The following NAV2 variants were observed in gnomAD, a reference collection of about 807,000 sequenced individuals.
NAV2 encodes neuron navigator 2, also known as helicase, APC down-regulated 1.
NAV2 carries 54 observed loss-of-function variants against 223.2 expected under a neutral mutation model. The ratio of observed to expected loss-of-function variants is 0.24; its 90% CI spans 0.19 to 0.30. The LOEUF is 0.30. Among genes scored for constraint, NAV2 ranks in the 10% least tolerant of loss-of-function variants. The probability of loss-of-function intolerance (pLI) is 1.00; values close to 1 mark genes in which losing one functional copy is unlikely to be tolerated. For missense variants in NAV2, 2,806 were observed against 3,147.5 expected, an observed-to-expected ratio of 0.89 and a Z score of 2.60; for synonymous variants, 1,279 against 1,239.3, an observed-to-expected ratio of 1.03 and a Z score of -0.67.
chr11:19,794,191 G>A (rs2057737971), intron 1 of NAV2, among the ~76,000 whole-genome samples: 1 of 152,180 alleles, frequency 6.6e-6, no homozygotes, highest in Admixed American at 6.5e-5. Flanking sequence ...AATGACAAAT[G>A]ACTTGAGCAG....
intron 1 of NAV2, among the ~76,000 whole-genome samples, chr11:19,401,545 T>G (rs746330291): frequency 6.6e-6 from 1 of 152,202 alleles, no homozygotes; most frequent in Non-Finnish European, 1.5e-5. Context: ...CAGGGATATG[T>G]CTGGATCTTC....
intron 11 of NAV2, among the ~76,000 whole-genome samples, chr11:20,009,899 TG>T (rs2053424625): frequency 6.6e-6 from 1 of 152,162 alleles, no homozygotes; most frequent in Non-Finnish European, 1.5e-5. Context: ...AAGACCAGAT[TG>T]GGTGTCCCTC....
At chr11:19,905,420 T>A (rs1055733415) in intron 6 of NAV2, among the ~76,000 whole-genome samples, 14 of 152,302 alleles carry the variant, frequency 9.2e-5, no homozygotes, top group South Asian at 2.1e-4. Flanking sequence ...AATTATTTTT[T>A]AAAAAATCTA....
At chr11:19,436,783 GC>G (rs1306430127) in intron 1 of NAV2, among the ~76,000 whole-genome samples, 1 of 141,256 alleles carries the variant, frequency 7.1e-6, no homozygotes, top group Non-Finnish European at 1.6e-5. Flanking sequence ...AATATTTTAT[GC>G]TTTTCAGTAT....
Position 20,118,744 on chromosome 11 carries a change from A to G in NAV2, c.*486A>G. 5.8e-6 allele frequency: 1 copy of G among 173,008 alleles called. No homozygotes were observed. The highest frequency in any genetic ancestry group is 1.2e-5 in the Non-Finnish European group (1 of 81,968). The allele number at this position is 173,008 out of a possible 1,614,324, so 10.7% of individuals were successfully genotyped here. On this transcript the variant is annotated 3_prime_UTR_variant, in exon 38 of 38. Transcript: ENST00000349880. ...CCAGACTGGGTCTCAGAGCCGTGCC[A>G]CCCACCCTCCCACACAGCCGGCCAC...
At chr11:19,860,396 C>T (rs1472938341) in intron 3 of NAV2, among the ~76,000 whole-genome samples, 10 of 144,858 alleles carry the variant, frequency 6.9e-5, no homozygotes, top group East Asian at 2.1e-4. Flanking sequence ...CCGGACGGGG[C>T]GACAGGGCAG....
chr11:19,617,942 C>T (rs2046846967), intron 1 of NAV2, among the ~76,000 whole-genome samples: 5 of 152,112 alleles, frequency 3.3e-5, no homozygotes, highest in Admixed American at 3.3e-4. Flanking sequence ...TACAGATATC[C>T]CCATGACTCA....
intron 1 of NAV2, among the ~76,000 whole-genome samples, chr11:19,378,865 G>A (rs951970398): frequency 6.6e-6 from 1 of 152,130 alleles, no homozygotes; most frequent in African/African-American, 2.4e-5. Flanking sequence ...CTGAGGGCAG[G>A]GGCTTTGTTG....
At chr11:19,781,172 A>G (rs990656487) in intron 1 of NAV2, among the ~76,000 whole-genome samples, 6 of 152,218 alleles carry the variant, frequency 3.9e-5, no homozygotes, top group Non-Finnish European at 8.8e-5. Context: ...AGAGCTAGTA[A>G]CTTTAGAAGT....
chr11:19,370,363 T>C (rs1848430076), intron 1 of NAV2, among the ~76,000 whole-genome samples: 1 of 152,248 alleles, frequency 6.6e-6, no homozygotes, highest in Non-Finnish European at 1.5e-5. Context: ...TGCATTGTAC[T>C]ACTTGTTCAG....
Position 19,876,404 on chromosome 11 carries a change from A to G in NAV2, c.512-3465A>G, listed in dbSNP as rs139640751. The stretch of plus-strand genomic sequence containing the variant: ...TACAGTAGGACATATGCCCATTTTA[A>G]AGAAGAAAACTGAGGCTCAGAGAGA... On this transcript the variant is annotated intron_variant, in intron 4 of 37. Coordinates refer to ENST00000349880, the MANE Select transcript of NAV2 (RefSeq NM_145117.5). Among the ~76,000 whole-genome samples the G allele has an allele frequency of 1.8e-4, 27 of 152,294 alleles. No homozygotes were observed. In the East Asian group the frequency reaches 1.9e-3, roughly 11 times the overall value.
intron 1 of NAV2, among the ~76,000 whole-genome samples, chr11:19,800,894 TCC>T (rs2058212638): frequency 6.6e-6 from 1 of 152,156 alleles, no homozygotes; most frequent in Non-Finnish European, 1.5e-5. Context: ...AATTTCCCCA[TCC>T]TAGACAAGGC....
At chr11:19,448,298 C>A (rs1174163306) in intron 1 of NAV2, among the ~76,000 whole-genome samples, 1 of 152,188 alleles carries the variant, frequency 6.6e-6, no homozygotes, top group Non-Finnish European at 1.5e-5. Flanking sequence ...AGCACAGCAA[C>A]CCTCCCCGTG....
chr11:19,848,250 AT>A lies in NAV2; in HGVS notation c.438+5331del, dbSNP rs2060914312. On this transcript the variant is annotated intron_variant, in intron 3 of 37. Transcript: ENST00000349880. ...TTCTATTCCATAAGCAGAACCCCTC[AT>A]TTTCCCAAATAAAAGCTGTGGAACC... Among the ~76,000 whole-genome samples the A allele has an allele frequency of 2.6e-5, 4 of 152,242 alleles. No individual in the cohort carries two copies. In the South Asian group the frequency reaches 8.3e-4, roughly 32 times the overall value.
At chr11:20,032,553 A>T (rs1022762055) in intron 11 of NAV2, among the ~76,000 whole-genome samples, 1 of 152,156 alleles carries the variant, frequency 6.6e-6, no homozygotes, top group Non-Finnish European at 1.5e-5. Flanking sequence ...CTTCTTCATC[A>T]AATTATGAGA....
intron 1 of NAV2, among the ~76,000 whole-genome samples, chr11:19,610,700 AGATGGATG>A (rs573163308): frequency 6.6e-6 from 1 of 152,122 alleles, no homozygotes; most frequent in African/African-American, 2.4e-5. Flanking sequence ...ATGGATAAGT[AGATGGATG>A]GATGGATGGA....
intron 3 of NAV2, among the ~76,000 whole-genome samples, chr11:19,859,905 GCC>G (rs1267471871): frequency 7.1e-6 from 1 of 141,628 alleles, no homozygotes; most frequent in Non-Finnish European, 1.6e-5. Flanking sequence ...GGGGCGGCTG[GCC>G]GGGCAGAGGG....
intron 1 of NAV2, among the ~76,000 whole-genome samples, chr11:19,703,864 G>C (rs1341235253): frequency 6.6e-6 from 1 of 152,162 alleles, no homozygotes; most frequent in Non-Finnish European, 1.5e-5. Flanking sequence ...ATTGGTCCAG[G>C]GTGGGACCAG....
chr11:19,349,337 C>T (rs1010268926), upstream of NAV2, among the ~76,000 whole-genome samples: 1 of 152,224 alleles, frequency 6.6e-6, no homozygotes, highest in Admixed American at 6.5e-5. Context: ...CCTCCTCCTC[C>T]TCCTCCCCCC....
Sources: gnomAD v4.1 joint callset for allele counts (sites outside exome capture counted in the v4.1 genomes callset) on GRCh38, gnomAD v4.1.1 for gene constraint, MANE v1.5 for transcripts, NCBI Gene and HGNC (gene_info 2026-07-23, HGNC 2026-07-21) for gene names.